SORD: variants seen among roughly 807,000 people sequenced by gnomAD.
The protein encoded by SORD is sorbitol dehydrogenase.
Under a neutral mutation model 35.6 loss-of-function variants are expected in SORD, and 18 were observed. That is an observed-to-expected ratio of 0.51 (90% confidence interval 0.35 to 0.75). The LOEUF is 0.75. SORD is among the 30% of genes least tolerant of loss of function. The pLI, the probability that SORD is intolerant of heterozygous loss-of-function variation, is 0.01. For missense variants in SORD, 250 were observed against 390.2 expected, an observed-to-expected ratio of 0.64 and a Z score of 3.03; for synonymous variants, 106 against 152.9, an observed-to-expected ratio of 0.69 and a Z score of 2.26.
In SORD at chr15:45,075,478, T is replaced by G. The variant is rs1013712092; in HGVS notation, c.*1948T>G. Reference sequence around the variant, plus strand: ...TCTTGGAGGCACTTCCTGCAGCCTATGCATGCCTCGTGAAGCCATTTCACT... The same window carrying G: ...TCTTGGAGGCACTTCCTGCAGCCTAGGCATGCCTCGTGAAGCCATTTCACT... On this transcript the variant is annotated 3_prime_UTR_variant, in exon 9 of 9. Transcript: ENST00000267814. 5.0e-5 allele frequency: 6 copies of G among 120,426 alleles called. 1 individual carries two copies. The highest frequency in any genetic ancestry group is 9.4e-5 in the Non-Finnish European group (6 of 63,938). 7.5% of individuals were successfully genotyped at this position (120,426 alleles called of 1,614,324 possible).
At position 45,071,306 on chromosome 15, in the gene SORD, A is replaced by T. The variant is rs181261368; in HGVS notation, c.787-1011A>T. 2.2e-3 allele frequency among the ~76,000 whole-genome samples: 329 copies of T among 152,242 alleles called. 2 individuals are homozygous for T. The highest frequency in any genetic ancestry group is 7.4e-3 in the African/African-American group (307 of 41,538). On this transcript the variant is annotated intron_variant, in intron 7 of 8. Coordinates refer to ENST00000267814, the MANE Select transcript of SORD (RefSeq NM_003104.6). The stretch of plus-strand genomic sequence containing the variant: ...TGATGAGGAAGTAGTTTCCCTAGAA[A>T]ATGGGCTGAGAGGGCACGTCCAGGG...
chr15:45,059,378 C>CA (rs1453250058), intron 3 of SORD, among the ~76,000 whole-genome samples: 2 of 151,796 alleles, frequency 1.3e-5, no homozygotes, highest in Non-Finnish European at 1.5e-5. Flanking sequence ...AAAAAAACCC[C>CA]AAAAAACCAG....
chr15:45,045,281 T>C (rs1893028370), intron 3 of SORD, among the ~76,000 whole-genome samples: 1 of 152,178 alleles, frequency 6.6e-6, no homozygotes, highest in African/African-American at 2.4e-5. Flanking sequence ...CCCATGCCTG[T>C]AATCCCAGCA....
intron 3 of SORD, among the ~76,000 whole-genome samples, chr15:45,047,985 T>G (rs1246475166): frequency 6.6e-6 from 1 of 152,242 alleles, no homozygotes; most frequent in Non-Finnish European, 1.5e-5. Context: ...CCTGTAAATC[T>G]GCTTTCTATT....
chr15:45,060,989 A>G, intron 3 of SORD, 78 bp from the exon 4 acceptor site: 5 of 1,589,618 alleles, frequency 3.1e-6, no homozygotes, highest in Non-Finnish European at 4.3e-6. Context: ...AAGGTTGGAA[A>G]ACAAAGAACC....
chr15:45,071,103 G>A (rs2470663), intron 7 of SORD, among the ~76,000 whole-genome samples: 23 of 152,346 alleles, frequency 1.5e-4, no homozygotes, highest in Non-Finnish European at 2.9e-4. Flanking sequence ...GTGATGAGAC[G>A]TGGCAGATGC....
At chr15:45,036,410 G>A (rs1243485595) in intron 1 of SORD, 1 of 453,546 alleles carries the variant, frequency 2.2e-6, no homozygotes, top group Non-Finnish European at 4.4e-6. Flanking sequence ...TAAGAAATTC[G>A]GCCAGGCACA....
At chr15:45,027,436 G>C (rs1047006471) in intron 1 of SORD, among the ~76,000 whole-genome samples, 8 of 152,266 alleles carry the variant, frequency 5.3e-5, no homozygotes, top group African/African-American at 1.9e-4. Context: ...TGAGGATTCA[G>C]TGGAACCAAT....
At chr15:45,037,858 C>G (rs1892894965) in intron 1 of SORD, among the ~76,000 whole-genome samples, 1 of 151,808 alleles carries the variant, frequency 6.6e-6, no homozygotes, top group South Asian at 2.1e-4. Flanking sequence ...GCATGTGGGG[C>G]TTCAAACCTA....
chr15:45,035,013 C>T (rs1337987713), intron 1 of SORD, among the ~76,000 whole-genome samples: 11 of 152,222 alleles, frequency 7.2e-5, no homozygotes, highest in Middle Eastern at 3.4e-3. Context: ...GGTCCCCCAG[C>T]AGTGCCGGCC....
intron 2 of SORD, among the ~76,000 whole-genome samples, chr15:45,040,783 C>T (rs571758470): frequency 2.8e-4 from 42 of 152,288 alleles, no homozygotes; most frequent in Admixed American, 6.5e-4. Context: ...CCCTATCTAC[C>T]AGAAGCTGCT....
chr15:45,071,602 T>C (rs1595510862), intron 7 of SORD, among the ~76,000 whole-genome samples: 2 of 152,128 alleles, frequency 1.3e-5, no homozygotes, highest in East Asian at 1.9e-4. Flanking sequence ...TCCATTCTTC[T>C]GTCTCTCACC....
At chr15:45,067,686 A>T (rs779986933) in intron 5 of SORD, among the ~76,000 whole-genome samples, 7 of 152,184 alleles carry the variant, frequency 4.6e-5, no homozygotes, top group East Asian at 1.9e-4. Flanking sequence ...TCTGGGCACC[A>T]GGGCCAACCC....
At chr15:45,024,058 C>T (rs1272673840) in intron 1 of SORD, among the ~76,000 whole-genome samples, 1 of 152,176 alleles carries the variant, frequency 6.6e-6, no homozygotes, top group Admixed American at 6.5e-5. Context: ...CCTTTAGGAG[C>T]ATTCTGTATG....
intron 7 of SORD, among the ~76,000 whole-genome samples, chr15:45,069,293 G>A (rs1183939589): frequency 2.3e-5 from 3 of 128,716 alleles, no homozygotes; most frequent in African/African-American, 5.7e-5. Flanking sequence ...TGCAAGCTCC[G>A]CCTCCTGGGT....
intron 1 of SORD, among the ~76,000 whole-genome samples, chr15:45,039,403 C>T (rs1434115405): frequency 6.6e-6 from 1 of 152,232 alleles, no homozygotes; most frequent in African/African-American, 2.4e-5. Context: ...GCTGGGATTA[C>T]AGGCATGAGA....
chr15:45,070,461 C>T (rs2468056), intron 7 of SORD: 91,231 of 118,598 alleles, frequency 0.77, 31,938 homozygotes, highest in African/African-American at 0.82. Flanking sequence ...AGTTGCCCAG[C>T]GGCCTTGGGA....
At chr15:45,036,045 G>A (rs1892860703) in intron 1 of SORD, among the ~76,000 whole-genome samples, 1 of 150,396 alleles carries the variant, frequency 6.6e-6, no homozygotes, top group Non-Finnish European at 1.5e-5. Flanking sequence ...CTGCAGAAAC[G>A]CTGGCTTAAG....
intron 5 of SORD, 22 bp from the exon 6 acceptor site, chr15:45,068,159 T>G: frequency 6.2e-7 from 1 of 1,602,634 alleles, no homozygotes; most frequent in Non-Finnish European, 8.6e-7. Context: ...CACGAACATA[T>G]TCCATCTTCT....
Sources: gnomAD v4.1 joint callset for allele counts (sites outside exome capture counted in the v4.1 genomes callset) on GRCh38, gnomAD v4.1.1 for gene constraint, MANE v1.5 for transcripts, NCBI Gene and HGNC (gene_info 2026-07-23, HGNC 2026-07-21) for gene names.